The following FHIT variants were observed in gnomAD, a reference collection of about 807,000 sequenced individuals.
FHIT encodes fragile histidine triad diadenosine triphosphatase.
FHIT carries 19 observed loss-of-function variants against 17.9 expected under a neutral mutation model. The observed-to-expected ratio is 1.06, with a 90% CI of 0.74 to 1.56. The LOEUF (loss-of-function observed/expected upper bound fraction) is 1.56. Ranked by LOEUF, FHIT falls within the 40% of genes most tolerant of loss-of-function variation. The pLI is 0.00. For missense variants in FHIT, 248 were observed against 189.2 expected (o/e 1.31, Z -1.82); for synonymous variants, 81 against 69.7 (o/e 1.16, Z -0.81).
intron 5 of FHIT, among the ~76,000 whole-genome samples, chr3:60,077,840 G>C (rs780485512): frequency 5.3e-5 from 8 of 151,586 alleles, no homozygotes; most frequent in Admixed American, 2.6e-4. Flanking sequence ...AGAGTTTTTT[G>C]TTAAATAAGT....
chr3:60,576,949 T>TACACAC (rs57891077), intron 4 of FHIT, among the ~76,000 whole-genome samples: 7,874 of 146,734 alleles, frequency 0.054, 274 homozygotes, highest in East Asian at 0.1. Context: ...TCCATTTGCA[T>TACACAC]ACACACACAC....
At chr3:60,383,166 G>T (rs1444054021) in intron 5 of FHIT, among the ~76,000 whole-genome samples, 2 of 152,138 alleles carry the variant, frequency 1.3e-5, no homozygotes, top group Non-Finnish European at 2.9e-5. Flanking sequence ...TAGGGAATGG[G>T]AGTTTCTTTT....
chr3:60,614,433 A>G (rs1338839872), intron 4 of FHIT, among the ~76,000 whole-genome samples: 1 of 152,092 alleles, frequency 6.6e-6, no homozygotes, highest in Admixed American at 6.5e-5. Flanking sequence ...GCAAAACTCC[A>G]TCTCTAATAA....
intron 3 of FHIT, among the ~76,000 whole-genome samples, chr3:60,867,740 A>G (rs1398715318): frequency 6.6e-6 from 1 of 152,188 alleles, no homozygotes; most frequent in Non-Finnish European, 1.5e-5. Flanking sequence ...AAAAGTTCAC[A>G]TGCTCTGGGG....
At chr3:60,321,832 T>G (rs913023059) in intron 5 of FHIT, among the ~76,000 whole-genome samples, 1 of 152,208 alleles carries the variant, frequency 6.6e-6, no homozygotes, top group African/African-American at 2.4e-5. Context: ...GATGGCGCCT[T>G]CTTGAAGCAT....
chr3:60,228,636 A>G (rs1704335077), intron 5 of FHIT, among the ~76,000 whole-genome samples: 1 of 152,198 alleles, frequency 6.6e-6, no homozygotes, highest in Non-Finnish European at 1.5e-5. Flanking sequence ...CAAATACCTC[A>G]CAAGGAAATT....
At chr3:59,972,778 C>G (rs1446833199) in intron 7 of FHIT, among the ~76,000 whole-genome samples, 1 of 152,086 alleles carries the variant, frequency 6.6e-6, no homozygotes, top group African/African-American at 2.4e-5. Context: ...CTCAGTAGTA[C>G]TCCTGTTCAT....
In FHIT at chr3:60,176,091, G is replaced by A. The variant is rs1312147773; in HGVS notation, c.104-161939C>T. On this transcript the variant is annotated intron_variant, in intron 5 of 9. Transcript: ENST00000492590. Reference sequence around the variant, plus strand: ...CATGTGGCCAGGTGTGGTGGCTCACGCCTGTAATGTCAGCACTTTGGGAGG... The same window carrying A: ...CATGTGGCCAGGTGTGGTGGCTCACACCTGTAATGTCAGCACTTTGGGAGG... Among the ~76,000 whole-genome samples, 5 of 152,114 alleles carry A rather than the reference G, an allele frequency of 3.3e-5. No homozygotes were observed. In the East Asian group the frequency reaches 5.8e-4, roughly 18 times the overall value.
At chr3:60,097,031 A>AAAAG (rs1235475492) in intron 5 of FHIT, among the ~76,000 whole-genome samples, 1 of 151,386 alleles carries the variant, frequency 6.6e-6, no homozygotes, top group East Asian at 1.9e-4. Flanking sequence ...TATTAAAAAA[A>AAAAG]AAAAAAAAAA....
intron 5 of FHIT, among the ~76,000 whole-genome samples, chr3:60,148,326 A>G (rs918643101): frequency 1.4e-4 from 22 of 152,338 alleles, no homozygotes; most frequent in Admixed American, 2.6e-4. Context: ...AGTACTTTGC[A>G]CAAGTCAGGG....
chr3:60,849,386 C>G (rs1703049995), intron 3 of FHIT, among the ~76,000 whole-genome samples: 2 of 146,230 alleles, frequency 1.4e-5, no homozygotes, highest in South Asian at 4.3e-4. Flanking sequence ...ACCTCTCAAC[C>G]CAAAGAGAAT....
intron 8 of FHIT, among the ~76,000 whole-genome samples, chr3:59,864,813 A>C (rs1432308966): frequency 7.5e-6 from 1 of 132,488 alleles, no homozygotes; most frequent in Admixed American, 7.4e-5. Flanking sequence ...CCCTTCTGAA[A>C]TTATATGAAA....
chr3:59,866,833 G>C (rs1267447813), intron 8 of FHIT, among the ~76,000 whole-genome samples: 2 of 152,022 alleles, frequency 1.3e-5, no homozygotes, highest in Non-Finnish European at 2.9e-5. Flanking sequence ...TGAGACCAGC[G>C]GGTTTGCCAC....
chr3:60,646,187 A>G (rs1553686675), intron 4 of FHIT, among the ~76,000 whole-genome samples: 2 of 152,210 alleles, frequency 1.3e-5, no homozygotes, highest in African/African-American at 4.8e-5. Context: ...TGCAGCTAGG[A>G]GAACAGATAA....
chr3:61,126,257 A>C (rs1467809064), intron 2 of FHIT, among the ~76,000 whole-genome samples: 2 of 152,190 alleles, frequency 1.3e-5, no homozygotes, highest in African/African-American at 4.8e-5. Context: ...AAAAGTAAAA[A>C]AAAAACTTGT....
At position 59,925,518 on chromosome 3, in the gene FHIT, C is replaced by T. The variant is rs530647704; in HGVS notation, c.280-3104G>A. On this transcript the variant is annotated intron_variant, in intron 7 of 9. Transcript: ENST00000492590. ...TCCACTACTAACATATGGGGGGTTG[C>T]GAACCTGCACTTGGGAACCTCCAGG... Among the ~76,000 whole-genome samples, 12 of 152,232 alleles carry T rather than the reference C, an allele frequency of 7.9e-5. No individual in the cohort carries two copies. In the East Asian group the frequency reaches 9.7e-4, roughly 12 times the overall value.
In FHIT at chr3:60,087,456, A is replaced by G. The variant is rs138363395; in HGVS notation, c.104-73304T>C. Among the ~76,000 whole-genome samples, 3 of 152,198 alleles carry G rather than the reference A, an allele frequency of 2.0e-5. No homozygotes were observed. The East Asian group carries it at 5.8e-4, about 29-fold the overall frequency. The stretch of plus-strand genomic sequence containing the variant: ...TTCCCACCAAATGGCCAGGCTGCAA[A>G]TTTTCCAAACTTTTACACTCTGCTT... On this transcript the variant is annotated intron_variant, in intron 5 of 9. Transcript: ENST00000492590.
At position 60,421,072 on chromosome 3, in the gene FHIT, C is replaced by T. The variant is rs528614633; in HGVS notation, c.103+115788G>A. Among the ~76,000 whole-genome samples the T allele has an allele frequency of 2.7e-5, 4 of 150,716 alleles. No homozygotes were observed. The East Asian group carries it at 5.8e-4, about 22-fold the overall frequency. On this transcript the variant is annotated intron_variant, in intron 5 of 9. Transcript: ENST00000492590. The stretch of plus-strand genomic sequence containing the variant: ...TCTAAAGAGAGAATAAAGCTTTGGC[C>T]GAAGACAGTTTTGATGAGATGGCTA...
At chr3:61,120,258 C>T in intron 2 of FHIT, among the ~76,000 whole-genome samples, 1 of 152,164 alleles carries the variant, frequency 6.6e-6, no homozygotes, top group Non-Finnish European at 1.5e-5. Flanking sequence ...CTATGGGTGA[C>T]TCTGTAAAAC....
Sources: gnomAD v4.1 joint callset for allele counts (sites outside exome capture counted in the v4.1 genomes callset) on GRCh38, gnomAD v4.1.1 for gene constraint, MANE v1.5 for transcripts, NCBI Gene and HGNC (gene_info 2026-07-23, HGNC 2026-07-21) for gene names.